Variants in FRMD4A observed in about 807,000 individuals in gnomAD.
The protein encoded by FRMD4A is FERM domain-containing protein 4A.
Under a neutral mutation model 129.1 loss-of-function variants are expected in FRMD4A, and 29 were observed. The ratio of observed to expected loss-of-function variants is 0.22; its 90% CI spans 0.17 to 0.31. The LOEUF (loss-of-function observed/expected upper bound fraction) is 0.31, where lower values mean the gene tolerates loss of function less well. FRMD4A is among the 10% of genes least tolerant of loss of function. The probability of loss-of-function intolerance (pLI) is 1.00; values close to 1 mark genes in which losing one functional copy is unlikely to be tolerated. For synonymous variants in FRMD4A, 634 were observed against 571.6 expected (o/e 1.11, Z -1.56); for missense variants, 1,272 against 1,375.8 (o/e 0.92, Z 1.19).
intron 9 of FRMD4A, among the ~76,000 whole-genome samples, chr10:13,741,456 C>T (rs374188390): frequency 6.6e-6 from 1 of 151,162 alleles, no homozygotes; most frequent in African/African-American, 2.4e-5. Flanking sequence ...GGCTCAAAAA[C>T]AAAAAACAAA....
At chr10:13,818,613 A>G (rs927081081) in intron 3 of FRMD4A, among the ~76,000 whole-genome samples, 1 of 152,122 alleles carries the variant, frequency 6.6e-6, no homozygotes, top group African/African-American at 2.4e-5. Flanking sequence ...CAGTTAATAT[A>G]TCCTGTCTTT....
At chr10:13,676,748 A>T (rs1035788475) in intron 15 of FRMD4A, among the ~76,000 whole-genome samples, 1 of 152,162 alleles carries the variant, frequency 6.6e-6, no homozygotes, top group Admixed American at 6.5e-5. Flanking sequence ...CACCGCGAAA[A>T]CTGTCCTAAA....
intron 17 of FRMD4A, among the ~76,000 whole-genome samples, chr10:13,669,236 C>A (rs755282202): frequency 2.0e-5 from 3 of 151,996 alleles, no homozygotes; most frequent in Non-Finnish European, 2.9e-5. Context: ...ATGTCTGTAT[C>A]TTTTTGGTAG....
At chr10:13,658,710 G>A (rs1178745058) in intron 21 of FRMD4A, among the ~76,000 whole-genome samples, 4 of 152,056 alleles carry the variant, frequency 2.6e-5, no homozygotes, top group African/African-American at 7.2e-5. Flanking sequence ...GTGAAACCCC[G>A]TCTCTACTAA....
At chr10:13,924,741 G>A (rs371371435) in intron 2 of FRMD4A, among the ~76,000 whole-genome samples, 5 of 151,926 alleles carry the variant, frequency 3.3e-5, no homozygotes, top group South Asian at 4.2e-4. Context: ...TTTTATTCTC[G>A]GCGTTATCCC....
chr10:14,133,625 GAGGA>G (rs1339131887), intron 2 of FRMD4A, among the ~76,000 whole-genome samples: 1 of 152,188 alleles, frequency 6.6e-6, no homozygotes, highest in African/African-American at 2.4e-5. Flanking sequence ...CTGGCTGGAG[GAGGA>G]AGGACCAAGC....
intron 2 of FRMD4A, among the ~76,000 whole-genome samples, chr10:14,053,921 C>A (rs556377602): frequency 1.3e-5 from 2 of 152,262 alleles, no homozygotes; most frequent in South Asian, 4.1e-4. Flanking sequence ...GCAGGAGGAT[C>A]ACCTGAGCCC....
At chr10:13,767,874 C>T (rs1448657649) in intron 6 of FRMD4A, among the ~76,000 whole-genome samples, 3 of 152,114 alleles carry the variant, frequency 2.0e-5, no homozygotes, top group Non-Finnish European at 4.4e-5. Flanking sequence ...GAATCTTGGG[C>T]TGTCTGGTGG....
At chr10:13,698,742 T>G (rs1171200738) in intron 14 of FRMD4A, among the ~76,000 whole-genome samples, 1 of 152,192 alleles carries the variant, frequency 6.6e-6, no homozygotes, top group Non-Finnish European at 1.5e-5. Flanking sequence ...ACACCAAGGA[T>G]GAAAGACCCA....
Position 13,712,214 on chromosome 10 carries a change from C to T in FRMD4A, c.760-5101G>A, listed in dbSNP as rs116619649. Among the ~76,000 whole-genome samples the T allele has an allele frequency of 5.6e-3, 859 of 152,298 alleles. 5 individuals are homozygous for T. The highest frequency in any genetic ancestry group is 0.02 in the African/African-American group (811 of 41,560). ...CCATACTCCAAAGACTAAAACACAA[C>T]GACAACTGTGATGAAGGACAGCCTG... On this transcript the variant is annotated intron_variant, in intron 12 of 24. Coordinates refer to ENST00000357447, the MANE Select transcript of FRMD4A (RefSeq NM_018027.5).
intron 2 of FRMD4A, among the ~76,000 whole-genome samples, chr10:14,055,579 C>G (rs376035209): frequency 1.3e-4 from 20 of 152,238 alleles, no homozygotes; most frequent in South Asian, 6.2e-4. Flanking sequence ...TTCTGAACAA[C>G]TGAAAGGTTA....
chr10:13,916,473 A>G (rs2095008174), intron 2 of FRMD4A, among the ~76,000 whole-genome samples: 2 of 152,216 alleles, frequency 1.3e-5, no homozygotes, highest in African/African-American at 4.8e-5. Flanking sequence ...GTGTAGTAAT[A>G]GTGCCATTTA....
chr10:13,683,649 A>C (rs1173358554), intron 15 of FRMD4A, among the ~76,000 whole-genome samples: 1 of 152,020 alleles, frequency 6.6e-6, no homozygotes, highest in East Asian at 1.9e-4. Flanking sequence ...AGAAGGTGGA[A>C]GGTGGAACCC....
At chr10:13,711,996 A>C (rs941998727) in intron 12 of FRMD4A, 1 of 152,268 alleles carries the variant, frequency 6.6e-6, no homozygotes, top group African/African-American at 2.4e-5. Flanking sequence ...GATTTTTACA[A>C]ATGAGCTACA....
intron 20 of FRMD4A, among the ~76,000 whole-genome samples, 174 bp downstream of exon 20, chr10:13,660,142 A>G (rs2082522247): frequency 6.6e-6 from 1 of 152,244 alleles, no homozygotes; most frequent in Non-Finnish European, 1.5e-5. Context: ...AATGTACCTC[A>G]ACAGTGTCGG....
At chr10:13,684,371 C>T (rs1368017308) in intron 15 of FRMD4A, 11 of 985,186 alleles carry the variant, frequency 1.1e-5, no homozygotes, top group Non-Finnish European at 1.3e-5. Flanking sequence ...TTGGAGTGAA[C>T]TTCCCGATGC....
At chr10:13,853,829 CAAAAAAAAAAA>C (rs745585369) in intron 3 of FRMD4A, among the ~76,000 whole-genome samples, 1 of 89,884 alleles carries the variant, frequency 1.1e-5, no homozygotes, top group Non-Finnish European at 2.1e-5. Context: ...AAGACTCTCT[CAAAAAAAAAAA>C]AAAAAAAAAA....
intron 15 of FRMD4A, among the ~76,000 whole-genome samples, chr10:13,690,809 T>C (rs2085613084): frequency 1.3e-5 from 2 of 152,128 alleles, no homozygotes; most frequent in Non-Finnish European, 2.9e-5. Context: ...ATAAAGCATT[T>C]GAAGATCGCT....
At chr10:14,099,068 T>C (rs1448661306) in intron 2 of FRMD4A, among the ~76,000 whole-genome samples, 1 of 152,206 alleles carries the variant, frequency 6.6e-6, no homozygotes, top group Non-Finnish European at 1.5e-5. Context: ...GGAAGCTGTT[T>C]GTGTTTGCCT....
Sources: allele counts gnomAD v4.1 joint callset (sites outside exome capture counted in the v4.1 genomes callset), GRCh38; gene constraint gnomAD v4.1.1; transcripts MANE v1.5; gene names NCBI Gene and HGNC (gene_info 2026-07-23, HGNC 2026-07-21).